Variants in MALRD1 observed in about 807,000 individuals in gnomAD.
MALRD1 encodes MAM and LDL receptor class A domain containing 1.
Under a neutral mutation model 242.1 loss-of-function variants are expected in MALRD1, and 247 were observed. That is an observed-to-expected ratio of 1.02 (90% CI 0.92 to 1.13). The LOEUF (loss-of-function observed/expected upper bound fraction) is 1.13. MALRD1 is among the 50% of genes most tolerant of loss of function. The pLI is 0.00. For missense variants in MALRD1, 2,989 were observed against 2,533.1 expected, an observed-to-expected ratio of 1.18 and a Z score of -3.86; for synonymous variants, 995 against 866.6, an observed-to-expected ratio of 1.15 and a Z score of -2.60.
At chr10:19,148,788 A>AAAATATATATATATATATATATATATAT (rs1206724666) in intron 11 of MALRD1, among the ~76,000 whole-genome samples, 10 of 88,014 alleles carry the variant, frequency 1.1e-4, no homozygotes, top group African/African-American at 1.6e-4. Flanking sequence ...AAAAAAAAAA[A>AAAATATATATATATATATATATATATAT]ATATATATAT....
At chr10:19,247,950 A>G (rs2131773444) in intron 18 of MALRD1, among the ~76,000 whole-genome samples, 1 of 152,206 alleles carries the variant, frequency 6.6e-6, no homozygotes, top group South Asian at 2.1e-4. Flanking sequence ...ATGGGCAGGC[A>G]GTATTTGTAG....
At chr10:19,680,887 C>G (rs530358305) in intron 36 of MALRD1, among the ~76,000 whole-genome samples, 2 of 152,200 alleles carry the variant, frequency 1.3e-5, no homozygotes, top group South Asian at 4.1e-4. Context: ...ATTAATATTT[C>G]TCTTTTGCTT....
chr10:19,202,529 A>G (rs552589455), intron 14 of MALRD1, among the ~76,000 whole-genome samples: 6 of 152,166 alleles, frequency 3.9e-5, no homozygotes, highest in Non-Finnish European at 7.3e-5. Context: ...TTACATTAAA[A>G]TGCCCTTATA....
At chr10:19,624,179 G>A (rs145260662) in intron 36 of MALRD1, among the ~76,000 whole-genome samples, 70 of 152,146 alleles carry the variant, frequency 4.6e-4, no homozygotes, top group African/African-American at 1.3e-3. Context: ...TGTAGGCACC[G>A]TTCTAACACT....
rs749119208 is a variant in MALRD1 at position 19,209,662 on chromosome 10, C to T, written c.2973C>T (p.Ser991=). ...GGATTAGGAAACACCTCAACATTTC[C>T]AGCAGGCAGCCCTTTCAGGTATGGA... ...NRWIRKHLNI[S]SRQPFQILVE... is the part of the protein sequence containing the mutation. The change falls in exon 18 of 40, where the codon TCC becomes TCT. Residue 991 remains serine (S), a synonymous_variant. Coordinates refer to ENST00000454679, the MANE Select transcript of MALRD1 (RefSeq NM_001142308.3). 6 of 1,549,012 alleles carry T rather than the reference C, an allele frequency of 3.9e-6. No individual in the cohort carries two copies. Among genetic ancestry groups the T allele is most frequent in the South Asian group, 3.6e-5 (3 of 83,812 alleles).
chr10:19,636,961 T>G (rs1159477745), intron 36 of MALRD1, among the ~76,000 whole-genome samples: 1 of 151,878 alleles, frequency 6.6e-6, no homozygotes, highest in East Asian at 1.9e-4. Flanking sequence ...TATTATTTTG[T>G]CAATAAATTT....
At chr10:19,304,125 G>A (rs1366066531) in intron 21 of MALRD1, among the ~76,000 whole-genome samples, 1 of 151,726 alleles carries the variant, frequency 6.6e-6, no homozygotes, top group African/African-American at 2.4e-5. Context: ...CAAGTGAGCA[G>A]GCACCATTCA....
intron 4 of MALRD1, among the ~76,000 whole-genome samples, chr10:19,094,874 G>T (rs1162798214): frequency 6.6e-6 from 1 of 152,080 alleles, no homozygotes; most frequent in African/African-American, 2.4e-5. Context: ...CTTATGCATG[G>T]TCGAAATGAT....
intron 26 of MALRD1, among the ~76,000 whole-genome samples, chr10:19,354,979 A>T (rs1370255463): frequency 6.6e-6 from 1 of 152,182 alleles, no homozygotes; most frequent in Admixed American, 6.6e-5. Flanking sequence ...CATTCAGCTG[A>T]GGATATCTAA....
At chr10:19,612,532 C>A (rs1349861296) in intron 35 of MALRD1, among the ~76,000 whole-genome samples, 1 of 151,846 alleles carries the variant, frequency 6.6e-6, no homozygotes, top group African/African-American at 2.4e-5. Context: ...TTAATGCCTG[C>A]TATCCCTTCT....
chr10:19,332,010 C>T (rs912098773), intron 24 of MALRD1, among the ~76,000 whole-genome samples: 4 of 151,816 alleles, frequency 2.6e-5, no homozygotes, highest in South Asian at 2.1e-4. Flanking sequence ...GGACTACAGG[C>T]GCCTGCCACC....
intron 28 of MALRD1, among the ~76,000 whole-genome samples, chr10:19,425,224 C>G (rs567222604): frequency 6.6e-6 from 1 of 152,026 alleles, no homozygotes; most frequent in Non-Finnish European, 1.5e-5. Context: ...TTTAAAAATT[C>G]GTCTTTTCCT....
chr10:19,333,932 C>T (rs996442997), intron 24 of MALRD1, among the ~76,000 whole-genome samples: 1 of 151,390 alleles, frequency 6.6e-6, no homozygotes, highest in South Asian at 2.1e-4. Flanking sequence ...GTTTGTTGCC[C>T]CTTGTTTGTC....
chr10:19,427,145 A>G (rs1467697753), intron 28 of MALRD1, among the ~76,000 whole-genome samples: 1 of 152,198 alleles, frequency 6.6e-6, no homozygotes, highest in African/African-American at 2.4e-5. Context: ...AAGGATATGA[A>G]TTAATAAAAG....
intron 39 of MALRD1, 146 bp downstream of exon 39, chr10:19,730,927 G>C: frequency 1.3e-6 from 1 of 750,006 alleles, no homozygotes; most frequent in Non-Finnish European, 2.1e-6. Flanking sequence ...TTTCAATTGG[G>C]GATAGAAAGG....
intron 36 of MALRD1, among the ~76,000 whole-genome samples, chr10:19,679,644 C>T (rs1019209909): frequency 3.3e-5 from 5 of 152,000 alleles, no homozygotes; most frequent in African/African-American, 1.2e-4. Context: ...TTTCGTGCCT[C>T]TGTCTCCTTC....
intron 31 of MALRD1, among the ~76,000 whole-genome samples, chr10:19,504,237 A>T (rs781050655): frequency 2.6e-5 from 4 of 152,204 alleles, no homozygotes; most frequent in Non-Finnish European, 5.9e-5. Flanking sequence ...CCGTAAAATG[A>T]GTAGCAAAGC....
chr10:19,462,250 C>T (rs1050531254), intron 29 of MALRD1, among the ~76,000 whole-genome samples: 2 of 152,202 alleles, frequency 1.3e-5, no homozygotes, highest in Non-Finnish European at 2.9e-5. Flanking sequence ...CACCTACTTC[C>T]TTTATGAAGC....
At chr10:19,620,541 T>C (rs936418036) in intron 36 of MALRD1, among the ~76,000 whole-genome samples, 2 of 151,924 alleles carry the variant, frequency 1.3e-5, no homozygotes, top group Non-Finnish European at 2.9e-5. Context: ...AATTGTATCT[T>C]TTGCAATTGA....
Sources: gnomAD v4.1 joint callset for allele counts (sites outside exome capture counted in the v4.1 genomes callset) on GRCh38, gnomAD v4.1.1 for gene constraint, MANE v1.5 for transcripts, NCBI Gene and HGNC (gene_info 2026-07-23, HGNC 2026-07-21) for gene names.